DRAM1: variants seen among roughly 807,000 people sequenced by gnomAD.
DRAM1 encodes the protein DNA damage regulated autophagy modulator 1.
In DRAM1, 25 loss-of-function variants were observed where a neutral mutation model predicts 28.5. That is an observed-to-expected ratio of 0.88 (90% CI 0.64 to 1.23). The LOEUF is 1.23. DRAM1 is among the 50% of genes most tolerant of loss of function. The probability of loss-of-function intolerance (pLI) is 0.00; values close to 1 mark genes in which losing one functional copy is unlikely to be tolerated. For synonymous variants in DRAM1, 113 were observed against 114.2 expected, an observed-to-expected ratio of 0.99 and a Z score of 0.07; for missense variants, 249 against 299.2, an observed-to-expected ratio of 0.83 and a Z score of 1.24.
intron 5 of DRAM1, among the ~76,000 whole-genome samples, chr12:101,918,877 A>T (rs1874357806): frequency 6.6e-6 from 1 of 152,136 alleles, no homozygotes; most frequent in Non-Finnish European, 1.5e-5. Flanking sequence ...ATCAGAATGC[A>T]GACATGCATA....
chr12:101,917,474 G>A (rs115393987), intron 5 of DRAM1, among the ~76,000 whole-genome samples: 9,033 of 152,040 alleles, frequency 0.059, 898 homozygotes, highest in African/African-American at 0.21. Flanking sequence ...GATCACTTGA[G>A]GCTAGAGTTC....
At chr12:101,902,331 CT>C (rs1168037705) in intron 3 of DRAM1, among the ~76,000 whole-genome samples, 1 of 152,092 alleles carries the variant, frequency 6.6e-6, no homozygotes, top group Non-Finnish European at 1.5e-5. Flanking sequence ...TAATACTTGC[CT>C]AAGATCAGTT....
At chr12:101,889,960 A>C in intron 1 of DRAM1, 1 of 383,070 alleles carries the variant, frequency 2.6e-6, no homozygotes, top group Non-Finnish European at 5.0e-6. Flanking sequence ...AAAAAAAAAA[A>C]AAGATGCCAG....
chr12:101,895,186 G>GTT lies in DRAM1; in HGVS notation c.132-2648_132-2647dup, dbSNP rs574722379. Among the ~76,000 whole-genome samples, 600 of 75,722 alleles carry GTT rather than the reference G, an allele frequency of 7.9e-3. 43 individuals are homozygous for GTT. The highest frequency in any genetic ancestry group is 0.031 in the East Asian group (47 of 1,516). 49.7% of individuals were successfully genotyped at this position (75,722 alleles called of 152,430 possible). ...TAATGCTAAATTCGAAACCCTTCAG[G>GTT]TTTTTTTTTTTTTTTTTTTTTTTTT... On this transcript the variant is annotated intron_variant, in intron 1 of 6. Transcript: ENST00000258534.
At chr12:101,917,785 T>TA (rs1284043695) in intron 5 of DRAM1, among the ~76,000 whole-genome samples, 1 of 151,946 alleles carries the variant, frequency 6.6e-6, no homozygotes, top group Non-Finnish European at 1.5e-5. Context: ...CAGGTTTTTT[T>TA]CTTTCTTATA....
At chr12:101,904,059 T>C (rs1873704624) in intron 3 of DRAM1, among the ~76,000 whole-genome samples, 1 of 152,168 alleles carries the variant, frequency 6.6e-6, no homozygotes, top group African/African-American at 2.4e-5. Context: ...CGATCTTGGC[T>C]CACTGCAACC....
intron 6 of DRAM1, 96 bp downstream of exon 6, chr12:101,920,297 C>CTTTT (rs373899697): frequency 1.5e-4 from 43 of 277,422 alleles, no homozygotes; most frequent in South Asian, 8.7e-4. Flanking sequence ...AGAGCACTTT[C>CTTTT]TTTTTTTTTT....
chr12:101,919,215 A>C (rs1331650696), intron 5 of DRAM1, among the ~76,000 whole-genome samples: 1 of 152,000 alleles, frequency 6.6e-6, no homozygotes. Flanking sequence ...TTTTAAAATT[A>C]GTTTCCAGCA....
intron 2 of DRAM1, among the ~76,000 whole-genome samples, chr12:101,898,890 T>C (rs1426898976): frequency 1.3e-5 from 2 of 152,210 alleles, no homozygotes; most frequent in Non-Finnish European, 2.9e-5. Flanking sequence ...AGCCAATTAA[T>C]GTAATGCATA....
At chr12:101,913,119 G>T (rs1366531007) in intron 4 of DRAM1, among the ~76,000 whole-genome samples, 1 of 152,106 alleles carries the variant, frequency 6.6e-6, no homozygotes, top group African/African-American at 2.4e-5. Flanking sequence ...CAATCAAAAT[G>T]GTTATCACTG....
At chr12:101,880,278 CTTTTTT>C (rs61082909) in intron 1 of DRAM1, among the ~76,000 whole-genome samples, 19 of 70,096 alleles carry the variant, frequency 2.7e-4, no homozygotes, top group African/African-American at 7.6e-4. Flanking sequence ...GCAATGCTTC[CTTTTTT>C]TTTTTTTTTT....
At chr12:101,895,544 G>A (rs1370215912) in intron 1 of DRAM1, among the ~76,000 whole-genome samples, 2 of 148,044 alleles carry the variant, frequency 1.4e-5, no homozygotes, top group African/African-American at 5.0e-5. Context: ...TTGGAATAAA[G>A]GCATTTGCTG....
intron 4 of DRAM1, among the ~76,000 whole-genome samples, chr12:101,913,767 T>C (rs1480209038): frequency 1.3e-5 from 2 of 150,592 alleles, no homozygotes; most frequent in Non-Finnish European, 3.0e-5. Flanking sequence ...AGTATTTTTA[T>C]TCAGTGGGAA....
chr12:101,892,104 T>C (rs1263928704), intron 1 of DRAM1, among the ~76,000 whole-genome samples: 1 of 152,192 alleles, frequency 6.6e-6, no homozygotes, highest in Non-Finnish European at 1.5e-5. Flanking sequence ...TATTTACTTA[T>C]GTATGCTGTC....
In DRAM1 at chr12:101,917,304, A is replaced by G. The variant is rs866889934; in HGVS notation, c.580-2805A>G. 2.8e-4 allele frequency among the ~76,000 whole-genome samples: 42 copies of G among 152,348 alleles called. No homozygotes were observed. The Middle Eastern group carries it at 0.01, about 37-fold the overall frequency. On this transcript the variant is annotated intron_variant, in intron 5 of 6. Coordinates refer to ENST00000258534, the MANE Select transcript of DRAM1 (RefSeq NM_018370.3). ...AGAGGAGACAGCAGGATTTCCCAATATGGAGAACTCTGGCAGGTAATGGAA... is the reference window on the plus strand; with the variant it reads ...AGAGGAGACAGCAGGATTTCCCAATGTGGAGAACTCTGGCAGGTAATGGAA...
chr12:101,912,664 G>A (rs78752033), intron 4 of DRAM1, among the ~76,000 whole-genome samples: 2 of 152,006 alleles, frequency 1.3e-5, no homozygotes, highest in African/African-American at 4.8e-5. Flanking sequence ...TTTGCGGGGG[G>A]TTGGAGTTAA....
intron 1 of DRAM1, among the ~76,000 whole-genome samples, chr12:101,883,345 A>C (rs1872757754): frequency 1.6e-5 from 2 of 125,728 alleles, no homozygotes; most frequent in East Asian, 3.7e-4. Flanking sequence ...ATGGAGTTTC[A>C]CTCTTGTTGC....
In DRAM1 at chr12:101,901,325, A is replaced by G. The variant is rs1431500657; in HGVS notation, c.234A>G (p.Val78=). The change falls in exon 3 of 7, where the codon GTA becomes GTG. Residue 78 remains valine (V), a synonymous_variant. Coordinates refer to ENST00000258534, the MANE Select transcript of DRAM1 (RefSeq NM_018370.3). ...CGATGTATACAAGATACAAAATAGT[A>G]CAGAAGCAAAATCAAACCTGCTATT... ...AATMYTRYKI[V]QKQNQTCYFS... 2 of 1,614,218 alleles carry G rather than the reference A, an allele frequency of 1.2e-6. No homozygotes were observed. Among genetic ancestry groups the G allele is most frequent in the South Asian group, 2.2e-5 (2 of 91,086 alleles).
intron 6 of DRAM1, 127 bp from the exon 7 acceptor site, chr12:101,921,089 G>A (rs1179273338): frequency 2.7e-6 from 2 of 736,042 alleles, no homozygotes; most frequent in Non-Finnish European, 4.8e-6. Flanking sequence ...TTTAGGACCT[G>A]ACTCAAGCAT....
Sources: gnomAD v4.1 joint callset for allele counts (sites outside exome capture counted in the v4.1 genomes callset) on GRCh38, gnomAD v4.1.1 for gene constraint, MANE v1.5 for transcripts, NCBI Gene and HGNC (gene_info 2026-07-23, HGNC 2026-07-21) for gene names.